CMSS1: variants seen among roughly 807,000 people sequenced by gnomAD.
CMSS1 encodes the protein cms1 ribosomal small subunit homolog.
Under a neutral mutation model 43.5 loss-of-function variants are expected in CMSS1, and 33 were observed. That is an observed-to-expected ratio of 0.76 (90% CI 0.57 to 1.01). CMSS1 has a LOEUF of 1.01. Ranked by LOEUF, CMSS1 falls within the 50% of genes least tolerant of loss-of-function variation. CMSS1 has a pLI of 0.00. For synonymous variants in CMSS1, 115 were observed against 117.2 expected (o/e 0.98, Z 0.12); for missense variants, 313 against 326.4 (o/e 0.96, Z 0.32).
intron 1 of CMSS1, among the ~76,000 whole-genome samples, chr3:99,928,257 C>T (rs910756414): frequency 6.6e-6 from 1 of 152,206 alleles, no homozygotes; most frequent in Non-Finnish European, 1.5e-5. Flanking sequence ...CCCCTCTCAC[C>T]TAGTACTTCC....
chr3:100,093,076 A>G (rs2066141014), intron 1 of CMSS1, among the ~76,000 whole-genome samples: 1 of 152,138 alleles, frequency 6.6e-6, no homozygotes, highest in South Asian at 2.1e-4. Flanking sequence ...AGAATACAGA[A>G]TGGAAAAAAT....
chr3:100,027,893 G>A (rs1019942037), intron 1 of CMSS1, among the ~76,000 whole-genome samples: 3 of 152,132 alleles, frequency 2.0e-5, no homozygotes, highest in Non-Finnish European at 2.9e-5. Flanking sequence ...GGAGTGAGAG[G>A]GAAAGTGGTC....
rs370762577 is a variant in CMSS1, at chr3:99,829,574, C to T, written c.64+11531C>T. Among the ~76,000 whole-genome samples the T allele has an allele frequency of 5.3e-5, 8 of 152,274 alleles. No homozygotes were observed. The East Asian group carries it at 9.6e-4, about 18-fold the overall frequency. ...GGCTTAGATTGATGAATGCAAAGCT[C>T]GTTGTCACATGAATGAAAATCTAGG... On this transcript the variant is annotated intron_variant, in intron 1 of 9. Coordinates refer to ENST00000421999, the MANE Select transcript of CMSS1 (RefSeq NM_032359.4).
intron 1 of CMSS1, among the ~76,000 whole-genome samples, chr3:100,121,622 TG>T (rs1440213060): frequency 6.6e-6 from 1 of 152,220 alleles, no homozygotes; most frequent in African/African-American, 2.4e-5. Context: ...TATCATAGAA[TG>T]ATTTATAATC....
chr3:100,097,107 A>G (rs553940590), intron 1 of CMSS1, among the ~76,000 whole-genome samples: 42 of 152,326 alleles, frequency 2.8e-4, no homozygotes, highest in African/African-American at 8.9e-4. Flanking sequence ...GATCAGCAGC[A>G]TTAGATTCTC....
At position 99,817,975 on chromosome 3, in the gene CMSS1, C is replaced by G. The variant is rs926710117; in HGVS notation, c.-5C>G. ...TGTTCTGCCCACGTCGAGACCTGAG[C>G]TGAAATGGCAGACGATCTCGGAGAC... On this transcript the variant is annotated 5_prime_UTR_variant, in exon 1 of 10. Coordinates refer to ENST00000421999, the MANE Select transcript of CMSS1 (RefSeq NM_032359.4). 6.2e-7 allele frequency: 1 copy of G among 1,613,884 alleles called. No individual in the cohort carries two copies. The highest frequency in any genetic ancestry group is 1.3e-5 in the African/African-American group (1 of 74,938).
chr3:100,167,597 G>T, intron 5 of CMSS1, 141 bp from the exon 6 acceptor site: 1 of 446,038 alleles, frequency 2.2e-6, no homozygotes, highest in Non-Finnish European at 4.0e-6. Context: ...CCAGAAAATT[G>T]AATTACAATT....
At chr3:100,030,883 C>T (rs1259743939) in intron 1 of CMSS1, among the ~76,000 whole-genome samples, 1 of 152,080 alleles carries the variant, frequency 6.6e-6, no homozygotes, top group East Asian at 1.9e-4. Flanking sequence ...ATTTTCTTTA[C>T]TGTGCAACTA....
intron 1 of CMSS1, among the ~76,000 whole-genome samples, chr3:100,079,498 A>C (rs940913358): frequency 6.6e-6 from 1 of 152,244 alleles, no homozygotes; most frequent in East Asian, 1.9e-4. Flanking sequence ...TTTACTTCAT[A>C]GTTCATGAAA....
At chr3:99,927,472 C>G (rs1441999752) in intron 1 of CMSS1, among the ~76,000 whole-genome samples, 1 of 151,620 alleles carries the variant, frequency 6.6e-6, no homozygotes, top group African/African-American at 2.4e-5. Flanking sequence ...TGGGTTCAAG[C>G]GATTCACCTG....
At chr3:99,895,179 C>T (rs1706208473) in intron 1 of CMSS1, among the ~76,000 whole-genome samples, 1 of 152,056 alleles carries the variant, frequency 6.6e-6, no homozygotes, top group South Asian at 2.1e-4. Context: ...TATATAGTGG[C>T]CAGGATGGTT....
chr3:99,819,536 C>T (rs1942389376), intron 1 of CMSS1, among the ~76,000 whole-genome samples: 1 of 152,132 alleles, frequency 6.6e-6, no homozygotes, highest in Non-Finnish European at 1.5e-5. Flanking sequence ...GTATTCTCTT[C>T]ATTTGTATAG....
intron 1 of CMSS1, among the ~76,000 whole-genome samples, chr3:100,071,759 T>G (rs1360125704): frequency 1.3e-5 from 2 of 152,202 alleles, no homozygotes; most frequent in Non-Finnish European, 2.9e-5. Context: ...TGGCTCTACC[T>G]CCTGACTTTT....
intron 7 of CMSS1, 60 bp downstream of exon 7, chr3:100,171,959 C>A: frequency 1.6e-6 from 2 of 1,237,354 alleles, no homozygotes; most frequent in South Asian, 1.2e-5. Flanking sequence ...TTTTTCCTTT[C>A]AACCTCTTCT....
chr3:100,081,419 AT>A (rs1157398878), intron 1 of CMSS1, among the ~76,000 whole-genome samples: 3 of 152,180 alleles, frequency 2.0e-5, no homozygotes, highest in African/African-American at 7.2e-5. Flanking sequence ...TCTTAAGCAA[AT>A]TTTAATCTTG....
At chr3:100,034,072 C>T (rs1366472384) in intron 1 of CMSS1, among the ~76,000 whole-genome samples, 1 of 152,122 alleles carries the variant, frequency 6.6e-6, no homozygotes, top group East Asian at 1.9e-4. Context: ...ATTAGTGACC[C>T]GTTAATACAC....
chr3:100,086,393 C>A (rs1034288894), intron 1 of CMSS1, among the ~76,000 whole-genome samples: 2 of 152,044 alleles, frequency 1.3e-5, no homozygotes, highest in Non-Finnish European at 2.9e-5. Flanking sequence ...ATCAGCTGAC[C>A]CCCTCTAGTT....
chr3:99,975,163 C>T (rs982693809), intron 1 of CMSS1, among the ~76,000 whole-genome samples: 5 of 152,208 alleles, frequency 3.3e-5, no homozygotes, highest in Non-Finnish European at 7.3e-5. Flanking sequence ...TTCCTCCCCG[C>T]TCCAATCTAC....
intron 1 of CMSS1, chr3:99,924,252 G>A (rs367848311): frequency 3.0e-5 from 49 of 1,613,708 alleles, no homozygotes; most frequent in Non-Finnish European, 4.2e-5. Flanking sequence ...TGTTCTAGTA[G>A]GCATATGAAT....
Sources: allele counts gnomAD v4.1 joint callset (sites outside exome capture counted in the v4.1 genomes callset), GRCh38; gene constraint gnomAD v4.1.1; transcripts MANE v1.5; gene names NCBI Gene and HGNC (gene_info 2026-07-23, HGNC 2026-07-21).